Variants in SLC7A6 observed in about 807,000 individuals in gnomAD.
The protein encoded by SLC7A6 is Y+L amino acid transporter 2.
Under a neutral mutation model 46.6 loss-of-function variants are expected in SLC7A6, and 29 were observed. The ratio of observed to expected loss-of-function variants is 0.62; its 90% CI spans 0.46 to 0.85. The LOEUF (loss-of-function observed/expected upper bound fraction) is 0.85, where lower values mean the gene tolerates loss of function less well. SLC7A6 is among the 40% of genes least tolerant of loss of function. The pLI is 0.00. For synonymous variants in SLC7A6, 276 were observed against 257.3 expected, an observed-to-expected ratio of 1.07 and a Z score of -0.70; for missense variants, 527 against 647.6, an observed-to-expected ratio of 0.81 and a Z score of 2.02.
Position 68,300,670 on chromosome 16 carries a change from T to C in SLC7A6, c.*3342T>C, listed in dbSNP as rs938721820. 2.0e-6 allele frequency: 2 copies of C among 985,394 alleles called. No individual in the cohort carries two copies. Among genetic ancestry groups the C allele is most frequent in the Non-Finnish European group, 2.4e-6 (2 of 829,966 alleles). 61.0% of individuals were successfully genotyped at this position (985,394 alleles called of 1,614,324 possible). A position where few individuals can be genotyped will look rare whatever the true frequency, so the allele number is the denominator to read the frequency against. On this transcript the variant is annotated 3_prime_UTR_variant, in exon 11 of 11. Transcript: ENST00000219343. ...ACATGTATCACATTCATATATATTGTTTCTTGGCCCCACTGCCAAAGGAAG... is the reference window on the plus strand; with the variant it reads ...ACATGTATCACATTCATATATATTGCTTCTTGGCCCCACTGCCAAAGGAAG...
chr16:68,277,142 A>G (rs2042726856), intron 3 of SLC7A6, among the ~76,000 whole-genome samples: 1 of 151,724 alleles, frequency 6.6e-6, no homozygotes, highest in Non-Finnish European at 1.5e-5. Flanking sequence ...GCTGGAGTAC[A>G]ATGGCATGAT....
At position 68,301,554 on chromosome 16, in the gene SLC7A6, T is replaced by C; in HGVS notation, c.*4226T>C. 1 of 611,820 alleles carries C rather than the reference T, an allele frequency of 1.6e-6. No individual in the cohort carries two copies. Among genetic ancestry groups the C allele is most frequent in the Non-Finnish European group, 2.6e-6 (1 of 387,202 alleles). 37.9% of individuals were successfully genotyped at this position (611,820 alleles called of 1,614,324 possible). A position where few individuals can be genotyped will look rare whatever the true frequency, so the allele number is the denominator to read the frequency against. ...ATAAAAAAGAATATAGAATTCTTTT[T>C]TTTTTAAAGAAGGAATCACTTTCCT... On this transcript the variant is annotated 3_prime_UTR_variant, in exon 11 of 11. Coordinates refer to ENST00000219343, the MANE Select transcript of SLC7A6 (RefSeq NM_003983.6).
rs1301213398 is a variant in SLC7A6 at position 68,291,315 on chromosome 16, A to G, written c.901A>G (p.Ser301Gly). The stretch of plus-strand genomic sequence containing the variant: ...GCTGAACATTTCAGATGTCCTTAGC[A>G]GTGATGCTGTGGCTGTGGTGAGTCT... ...TVLNISDVLSSDAVAVTFADQ... is the reference protein window; with the variant it reads ...TVLNISDVLSGDAVAVTFADQ... The change falls in exon 6 of 11, where the codon AGT (serine) becomes GGT (glycine). Residue 301 changes from serine to glycine, a missense_variant. Transcript: ENST00000219343. 3.1e-6 allele frequency: 5 copies of G among 1,614,180 alleles called. No individual in the cohort carries two copies. Among genetic ancestry groups the G allele is most frequent in the Non-Finnish European group, 4.2e-6 (5 of 1,180,018 alleles).
Position 68,297,324 on chromosome 16 carries a change from A to G in SLC7A6, c.1544A>G (p.Asp515Gly), listed in dbSNP as rs1449646062. The G allele has an allele frequency of 6.2e-7, 1 of 1,614,104 alleles. No homozygotes were observed. The highest frequency in any genetic ancestry group is 8.5e-7 in the Non-Finnish European group (1 of 1,179,982). The change falls in exon 11 of 11, where the codon GAC (aspartate) becomes GGC (glycine). Residue 515 changes from aspartate (D) to glycine (G), a missense_variant. Transcript: ENST00000219343. ...AEEKKDERKT[D>G] ...GAAAAAAAGGATGAGAGGAAAACTG[A>G]CTAGAGGTCAGAGGTGGCTTTCTGA...
chr16:68,294,917 AAC>A, intron 8 of SLC7A6, 116 bp downstream of exon 8: 1 of 667,580 alleles, frequency 1.5e-6, no homozygotes, highest in Non-Finnish European at 2.6e-6. Context: ...AGATGTGAAA[AAC>A]AGTTCATTTT....
rs750333170 is a variant in SLC7A6, at chr16:68,287,829, C to T, written c.607C>T (p.Leu203Phe). 3 of 1,614,224 alleles carry T rather than the reference C, an allele frequency of 1.9e-6. No homozygotes were observed. The highest frequency in any genetic ancestry group is 4.5e-5 in the East Asian group (2 of 44,880). The change falls in exon 4 of 11, where the codon CTC (leucine) becomes TTC (phenylalanine). Residue 203 changes from leucine to phenylalanine, a missense_variant. Physicochemically the swap from Leu to Phe is conservative, Grantham distance 22. Coordinates refer to ENST00000219343, the MANE Select transcript of SLC7A6 (RefSeq NM_003983.6). ...GTTCACTTACGCCAAGGTCGTAGCGCTCATTGCCATCATTGTCATGGGCCT... is the reference window on the plus strand; with the variant it reads ...GTTCACTTACGCCAAGGTCGTAGCGTTCATTGCCATCATTGTCATGGGCCT... ...DTFTYAKVVA[L>F]IAIIVMGLVK...
chr16:68,288,695 G>A (rs1402351445), intron 4 of SLC7A6, among the ~76,000 whole-genome samples: 6 of 152,116 alleles, frequency 3.9e-5, no homozygotes, highest in Non-Finnish European at 7.3e-5. Context: ...GCCCGGCACG[G>A]TGGCTCACGC....
At position 68,299,527 on chromosome 16, in the gene SLC7A6, C is replaced by CTCTT. The variant is rs1442179131; in HGVS notation, c.*2201_*2204dup. On this transcript the variant is annotated 3_prime_UTR_variant, in exon 11 of 11. Coordinates refer to ENST00000219343, the MANE Select transcript of SLC7A6 (RefSeq NM_003983.6). Reference sequence around the variant, plus strand: ...TCATGGTGGAATTAATTTCTGCCAGCTCTTTGTTGTCTGTCTCCTTAAATC... The same window carrying CTCTT: ...TCATGGTGGAATTAATTTCTGCCAGCTCTTTCTTTGTTGTCTGTCTCCTTAAATC... 1.3e-5 allele frequency: 2 copies of CTCTT among 152,512 alleles called. No homozygotes were observed. The highest frequency in any genetic ancestry group is 2.9e-5 in the Non-Finnish European group (2 of 68,050). The allele number at this position is 152,512 out of a possible 1,614,324, so 9.4% of individuals were successfully genotyped here. A position where few individuals can be genotyped will look rare whatever the true frequency, so the allele number is the denominator to read the frequency against.
intron 3 of SLC7A6, among the ~76,000 whole-genome samples, chr16:68,278,020 A>G (rs2042747489): frequency 6.8e-6 from 1 of 147,576 alleles, no homozygotes; most frequent in Non-Finnish European, 1.5e-5. Context: ...GCTCACTGCA[A>G]CCTCTGGCTC....
At chr16:68,290,746 A>G (rs2043033191) in intron 5 of SLC7A6, 2 of 616,050 alleles carry the variant, frequency 3.2e-6, no homozygotes, top group South Asian at 3.9e-5. Context: ...TCACGTTCGC[A>G]CTGGAGGATA....
intron 2 of SLC7A6, among the ~76,000 whole-genome samples, chr16:68,268,535 C>A (rs1453722739): frequency 6.6e-6 from 1 of 152,134 alleles, no homozygotes; most frequent in Non-Finnish European, 1.5e-5. Flanking sequence ...CCTTTGTAAT[C>A]GAGCTTTTCC....
chr16:68,279,319 G>A (rs1466150771), intron 3 of SLC7A6, among the ~76,000 whole-genome samples: 1 of 152,148 alleles, frequency 6.6e-6, no homozygotes, highest in African/African-American at 2.4e-5. Context: ...TCCAGCCTAG[G>A]TGACAGAATG....
chr16:68,291,774 T>G (rs2043057507), intron 7 of SLC7A6, 113 bp downstream of exon 7: 1 of 653,502 alleles, frequency 1.5e-6, no homozygotes, highest in Non-Finnish European at 2.6e-6. Context: ...TGTGTGTGTG[T>G]GTGTGTGTGT....
At position 68,274,761 on chromosome 16, in the gene SLC7A6, C is replaced by T; in HGVS notation, c.35C>T (p.Thr12Ile). 6.2e-7 allele frequency: 1 copy of T among 1,614,196 alleles called. No individual in the cohort carries two copies. Among genetic ancestry groups the T allele is most frequent in the East Asian group, 2.2e-5 (1 of 44,882 alleles). Residue 12 changes from threonine to isoleucine, a missense_variant, in exon 3 of 11, where the codon ACC (threonine) becomes ATC (isoleucine). Thr to Ile is a moderately conservative substitution (Grantham distance 89). Coordinates refer to ENST00000219343, the MANE Select transcript of SLC7A6 (RefSeq NM_003983.6). ...AGGGAGCCTGGGAGGCCCACACCCA[C>T]CTACCATCTTGTCCCTAACACCAGC... ...EAREPGRPTPTYHLVPNTSQS... is the reference protein window; with the variant it reads ...EAREPGRPTPIYHLVPNTSQS...
intron 2 of SLC7A6, 46 bp from the exon 3 acceptor site, chr16:68,274,645 C>G: frequency 6.6e-7 from 1 of 1,524,104 alleles, no homozygotes. Flanking sequence ...TAAATAGAGC[C>G]TCACCAGCTC....
chr16:68,268,413 G>C (rs2042570105), intron 2 of SLC7A6, among the ~76,000 whole-genome samples: 1 of 152,138 alleles, frequency 6.6e-6, no homozygotes, highest in Non-Finnish European at 1.5e-5. Context: ...TGATTATTGT[G>C]GTGTGAGAGT....
At chr16:68,288,784 A>T (rs1330956766) in intron 4 of SLC7A6, among the ~76,000 whole-genome samples, 1 of 151,820 alleles carries the variant, frequency 6.6e-6, no homozygotes, top group Non-Finnish European at 1.5e-5. Flanking sequence ...ACCAACATAG[A>T]GAAACCCTGT....
chr16:68,294,513 G>A (rs570812538), intron 7 of SLC7A6, among the ~76,000 whole-genome samples, 192 bp from the exon 8 acceptor site: 13 of 151,972 alleles, frequency 8.6e-5, no homozygotes, highest in Non-Finnish European at 1.5e-4. Context: ...GGGATGAAGA[G>A]GGAGGGAAAA....
Position 68,290,479 on chromosome 16 carries a change from T to G in SLC7A6, c.733T>G (p.Phe245Val). 1.9e-6 allele frequency: 3 copies of G among 1,614,206 alleles called. No individual in the cohort carries two copies. Among genetic ancestry groups the G allele is most frequent in the Non-Finnish European group, 2.5e-6 (3 of 1,180,038 alleles). Reference sequence around the variant, plus strand: ...CTCTCTTGCCCTCTACTCTGCCCTCTTCTCTTACTCAGGTTGGGACACCCT... The same window carrying G: ...CTCTCTTGCCCTCTACTCTGCCCTCGTCTCTTACTCAGGTTGGGACACCCT... The part of the protein sequence containing the change: ...NLSLALYSAL[F>V]SYSGWDTLNF... Residue 245 changes from phenylalanine (F) to valine (V), a missense_variant, in exon 5 of 11, where the codon TTC becomes GTC. By Grantham distance (50) the Phe-to-Val change is conservative. Coordinates refer to ENST00000219343, the MANE Select transcript of SLC7A6 (RefSeq NM_003983.6).
Sources: gnomAD v4.1 joint callset for allele counts (sites outside exome capture counted in the v4.1 genomes callset) on GRCh38, gnomAD v4.1.1 for gene constraint, MANE v1.5 for transcripts, NCBI Gene and HGNC (gene_info 2026-07-23, HGNC 2026-07-21) for gene names.